CLSTN2: variants seen among roughly 807,000 people sequenced by gnomAD.
CLSTN2 encodes calsyntenin 2.
Under a neutral mutation model 101.2 loss-of-function variants are expected in CLSTN2, and 48 were observed. The ratio of observed to expected loss-of-function variants is 0.47; its 90% CI spans 0.38 to 0.60. CLSTN2 has a LOEUF of 0.60. Ranked by LOEUF, CLSTN2 falls within the 20% of genes least tolerant of loss-of-function variation. The pLI is 0.00. For missense variants in CLSTN2, 1,160 were observed against 1,238.2 expected (o/e 0.94, Z 0.95); for synonymous variants, 481 against 463.6 (o/e 1.04, Z -0.48).
chr3:140,063,450 G>A (rs571478597), intron 1 of CLSTN2, among the ~76,000 whole-genome samples: 23 of 152,194 alleles, frequency 1.5e-4, no homozygotes, highest in South Asian at 1.5e-3. Context: ...TTCACTCCGC[G>A]TCCATGCTAA....
intron 1 of CLSTN2, among the ~76,000 whole-genome samples, chr3:140,075,279 A>G (rs916842858): frequency 2.0e-5 from 3 of 151,898 alleles, no homozygotes; most frequent in Admixed American, 1.3e-4. Flanking sequence ...GTTTCAGTGC[A>G]CTAATATTTG....
At position 140,183,697 on chromosome 3, in the gene CLSTN2, G is replaced by A. The variant is rs181098444; in HGVS notation, c.232+7624G>A. Among the ~76,000 whole-genome samples the A allele has an allele frequency of 7.3e-4, 111 of 152,238 alleles. 1 individual carries two copies. The East Asian group carries it at 0.012, about 17-fold the overall frequency. On this transcript the variant is annotated intron_variant, in intron 2 of 16. Transcript: ENST00000458420. ...ATTTCTGCCCCTACTTGCCCCCTGG[G>A]CCATACATCATTGTACTGAAAACAA...
chr3:140,576,864 A>G lies in CLSTN2; in HGVS notation c.*10611A>G, dbSNP rs2107801193. The G allele has an allele frequency of 6.6e-6, 1 of 152,346 alleles. No individual in the cohort carries two copies. Among genetic ancestry groups the G allele is most frequent in the South Asian group, 2.1e-4 (1 of 4,824 alleles). The allele number at this position is 152,346 out of a possible 1,614,324, so 9.4% of individuals were successfully genotyped here. On this transcript the variant is annotated 3_prime_UTR_variant, in exon 17 of 17. Transcript: ENST00000458420. ...AATGTGTTTATTTGATAAATATACT[A>G]TTGTGTATGAGTGTGAAACAATGCA... is the stretch of plus-strand genomic sequence containing the variant.
intron 1 of CLSTN2, among the ~76,000 whole-genome samples, chr3:140,057,266 C>A (rs1241622087): frequency 6.6e-6 from 1 of 152,230 alleles, no homozygotes; most frequent in Admixed American, 6.5e-5. Flanking sequence ...GTGCTCCTAA[C>A]CCCTGCATTA....
intron 8 of CLSTN2, among the ~76,000 whole-genome samples, chr3:140,518,263 C>T (rs190648764): frequency 1.3e-5 from 2 of 152,350 alleles, no homozygotes; most frequent in Non-Finnish European, 2.9e-5. Flanking sequence ...GGATTTATGC[C>T]TTCCCACCTG....
intron 1 of CLSTN2, among the ~76,000 whole-genome samples, chr3:140,072,003 T>C (rs1183222841): frequency 6.6e-6 from 1 of 152,168 alleles, no homozygotes; most frequent in Non-Finnish European, 1.5e-5. Context: ...TATGTTGAAA[T>C]AGACATTTCC....
intron 12 of CLSTN2, among the ~76,000 whole-genome samples, chr3:140,560,610 C>G (rs1935891670): frequency 6.6e-6 from 1 of 152,120 alleles, no homozygotes. Flanking sequence ...CATCCATGGC[C>G]GATTTGCCTC....
At chr3:140,104,246 C>G (rs2009016161) in intron 1 of CLSTN2, among the ~76,000 whole-genome samples, 1 of 152,300 alleles carries the variant, frequency 6.6e-6, no homozygotes, top group South Asian at 2.1e-4. Context: ...CACCTGCCCT[C>G]TCCTTCATAG....
intron 2 of CLSTN2, among the ~76,000 whole-genome samples, chr3:140,316,197 C>A (rs1486446862): frequency 1.3e-5 from 2 of 152,114 alleles, no homozygotes; most frequent in Non-Finnish European, 2.9e-5. Context: ...CCATTCAGTG[C>A]AAGCAGTGAG....
chr3:140,331,918 AT>A (rs1392480658), intron 2 of CLSTN2, among the ~76,000 whole-genome samples: 2 of 152,186 alleles, frequency 1.3e-5, no homozygotes, highest in African/African-American at 4.8e-5. Context: ...TGCTTATTAG[AT>A]TCCATCCATC....
At chr3:139,958,082 T>C (rs571219158) in intron 1 of CLSTN2, among the ~76,000 whole-genome samples, 2 of 152,280 alleles carry the variant, frequency 1.3e-5, no homozygotes, top group Non-Finnish European at 2.9e-5. Flanking sequence ...TTAGCCAGGG[T>C]GCCTGGCTGC....
intron 5 of CLSTN2, among the ~76,000 whole-genome samples, chr3:140,447,985 C>A (rs1933127031): frequency 6.6e-6 from 1 of 152,134 alleles, no homozygotes; most frequent in South Asian, 2.1e-4. Context: ...ACCTATATAA[C>A]AAACCTGCAC....
chr3:140,125,146 A>T (rs758053596), intron 1 of CLSTN2, among the ~76,000 whole-genome samples: 1 of 152,074 alleles, frequency 6.6e-6, no homozygotes, highest in East Asian at 1.9e-4. Flanking sequence ...TTGAGGGAGG[A>T]TAGGGGGAGA....
chr3:140,075,821 G>C (rs1315854168), intron 1 of CLSTN2, among the ~76,000 whole-genome samples: 1 of 151,946 alleles, frequency 6.6e-6, no homozygotes, highest in Non-Finnish European at 1.5e-5. Context: ...GTTCGTGTTG[G>C]CGGAGGGACA....
chr3:140,070,978 C>A (rs1338854793), intron 1 of CLSTN2, among the ~76,000 whole-genome samples: 1 of 152,010 alleles, frequency 6.6e-6, no homozygotes, highest in Non-Finnish European at 1.5e-5. Context: ...AAATTAAGCC[C>A]ATGAGAAGAC....
At chr3:139,988,795 G>T (rs1451058010) in intron 1 of CLSTN2, among the ~76,000 whole-genome samples, 1 of 152,214 alleles carries the variant, frequency 6.6e-6, no homozygotes, top group South Asian at 2.1e-4. Context: ...GCAAGTAAAA[G>T]TCCACTGCTG....
At chr3:140,331,252 A>G (rs1048340280) in intron 2 of CLSTN2, among the ~76,000 whole-genome samples, 9 of 152,070 alleles carry the variant, frequency 5.9e-5, no homozygotes, top group Non-Finnish European at 1.3e-4. Flanking sequence ...GAGAAAGAGG[A>G]CTCGGCACGC....
chr3:139,972,187 C>T (rs890756606), intron 1 of CLSTN2, among the ~76,000 whole-genome samples: 1 of 152,144 alleles, frequency 6.6e-6, no homozygotes, highest in East Asian at 1.9e-4. Context: ...TCGCTTGAAC[C>T]TGGGAGGCGG....
At chr3:140,230,905 T>C (rs2086365850) in intron 2 of CLSTN2, among the ~76,000 whole-genome samples, 2 of 152,130 alleles carry the variant, frequency 1.3e-5, no homozygotes, top group Admixed American at 1.3e-4. Flanking sequence ...TGGATAACAC[T>C]GTAAGGGCAA....
Sources: allele counts gnomAD v4.1 joint callset (sites outside exome capture counted in the v4.1 genomes callset), GRCh38; gene constraint gnomAD v4.1.1; transcripts MANE v1.5; gene names NCBI Gene and HGNC (gene_info 2026-07-23, HGNC 2026-07-21).